Variants in PLTP observed in about 807,000 individuals in gnomAD.
PLTP encodes BPI fold containing family E.
PLTP carries 43 observed loss-of-function variants against 54.1 expected under a neutral mutation model. That is an observed-to-expected ratio of 0.79 (90% CI 0.62 to 1.02). The LOEUF (loss-of-function observed/expected upper bound fraction) is 1.02. PLTP is among the 50% of genes least tolerant of loss of function. PLTP has a pLI of 0.00. For synonymous variants in PLTP, 263 were observed against 264.6 expected (o/e 0.99, Z 0.06); for missense variants, 604 against 645.9 (o/e 0.94, Z 0.70).
At chr20:45,899,810 C>CCCCCCCCCCCCCCA in intron 13 of PLTP, 26 bp downstream of exon 13, 1 of 1,134,806 alleles carries the variant, frequency 8.8e-7, no homozygotes, top group Non-Finnish European at 1.3e-6. Context: ...GAACCCAGCC[C>CCCCCCCCCCCCCCA]AGCCCACCCA....
In PLTP at chr20:45,911,377, C is replaced by G. The variant is rs374545133; in HGVS notation, c.76G>C (p.Val26Leu). 7.5e-5 allele frequency: 121 copies of G among 1,612,010 alleles called. No homozygotes were observed. Among genetic ancestry groups the G allele is most frequent in the Non-Finnish European group, 9.7e-5 (115 of 1,180,030 alleles). Residue 26 changes from valine to leucine, a missense_variant, in exon 2 of 16, where the codon GTC becomes CTC. Transcript: ENST00000372431. ...CCCAGCTCCAGCGCCTTGGAGGTGA[C>G]GCGGATCTTGCAGCCTGGGAACTCT... ...HAEFPGCKIR[V>L]TSKALELVKQ...
chr20:45,910,767 A>C, intron 3 of PLTP: 1 of 1,014,314 alleles, frequency 9.9e-7, no homozygotes, highest in Non-Finnish European at 1.3e-6. Flanking sequence ...CCCCTCCCTC[A>C]TCCTAAACCA....
At chr20:45,908,041 GT>G in intron 5 of PLTP, 137 bp from the exon 6 acceptor site, 3 of 806,626 alleles carry the variant, frequency 3.7e-6, no homozygotes, top group Admixed American at 2.0e-5. Flanking sequence ...CTCCACGTAG[GT>G]TTTCCAAGAA....
intron 11 of PLTP, 33 bp downstream of exon 11, chr20:45,902,407 C>T: frequency 6.2e-7 from 1 of 1,614,156 alleles, no homozygotes; most frequent in Non-Finnish European, 8.5e-7. Context: ...TTCCCTGACC[C>T]CCAGCCAGCA....
intron 10 of PLTP, among the ~76,000 whole-genome samples, chr20:45,904,032 A>G (rs954870974): frequency 6.6e-6 from 1 of 152,228 alleles, no homozygotes; most frequent in Non-Finnish European, 1.5e-5. Flanking sequence ...AAATTGAGGC[A>G]CAGATAGGTT....
rs1165033250 is a variant in PLTP, at chr20:45,901,505, G to A, written c.1175+762C>T. 5.3e-5 allele frequency among the ~76,000 whole-genome samples: 8 copies of A among 152,118 alleles called. 1 individual carries two copies. The highest frequency in any genetic ancestry group is 5.2e-4 in the Admixed American group (8 of 15,266). On this transcript the variant is annotated intron_variant, in intron 12 of 15. Transcript: ENST00000372431. ...GTTACTCGGGAGGCTGAGGCTGGACGATCACTTGAGCCCAGGAGGTCAAGG... is the reference window on the plus strand; with the variant it reads ...GTTACTCGGGAGGCTGAGGCTGGACAATCACTTGAGCCCAGGAGGTCAAGG...
In PLTP at chr20:45,911,195, C is replaced by G; in HGVS notation, c.157G>C (p.Asp53His). ...AAGTGGCCTTCTTTGCCCCGCAGGT[C>G]CGGAATGGTGATAGTCTCCAGCTCT... ...EQELETITIP[D>H]LRGKEGHFYY... Residue 53 changes from aspartate to histidine, a missense_variant, in exon 3 of 16, where the codon GAC becomes CAC. Coordinates refer to ENST00000372431, the MANE Select transcript of PLTP (RefSeq NM_006227.4). 1.2e-6 allele frequency: 2 copies of G among 1,614,168 alleles called. No homozygotes were observed. Among genetic ancestry groups the G allele is most frequent in the East Asian group, 4.5e-5 (2 of 44,880 alleles).
chr20:45,905,259 C>T (rs1461985244), intron 8 of PLTP, 141 bp from the exon 9 acceptor site: 8 of 727,694 alleles, frequency 1.1e-5, no homozygotes, highest in Non-Finnish European at 1.8e-5. Flanking sequence ...TTCACAAGCA[C>T]ATCTCTTAAA....
At chr20:45,911,594 A>C in intron 1 of PLTP, 131 bp from the exon 2 acceptor site, 1 of 1,271,172 alleles carries the variant, frequency 7.9e-7, no homozygotes, top group Middle Eastern at 1.9e-4. Flanking sequence ...GGAACCAATA[A>C]TCTTGCCTCC....
At chr20:45,899,367 G>T in intron 15 of PLTP, 95 bp downstream of exon 15, 2 of 1,308,742 alleles carry the variant, frequency 1.5e-6, no homozygotes, top group Non-Finnish European at 2.2e-6. Flanking sequence ...GGGGCGACTG[G>T]TAATGGGGGA....
chr20:45,904,790 C>A lies in PLTP; in HGVS notation c.942+10G>T. On this transcript the variant is annotated intron_variant, in intron 10 of 15. Transcript: ENST00000372431. ...CAGGTGGCCCTATCCCTGCCCCCGC[C>A]AGCACTCACCAGCAGGACAATGCTC... is the stretch of plus-strand genomic sequence containing the variant. 1.9e-6 allele frequency: 3 copies of A among 1,614,092 alleles called. No homozygotes were observed. Among genetic ancestry groups the A allele is most frequent in the Non-Finnish European group, 2.5e-6 (3 of 1,179,912 alleles).
Position 45,898,820 on chromosome 20 carries a change from A to C in PLTP, c.*121T>G, listed in dbSNP as rs368532767. On this transcript the variant is annotated 3_prime_UTR_variant, in exon 16 of 16. Transcript: ENST00000372431. This position sits in a 1 kb window ranked among gnomAD's most constrained non-coding sequence, Gnocchi z 4.6. ...GGAATTAAATTGGGTACAGCTTCAA[A>C]TCCCGTCTTCTCTGTGGCACTGGGG... 1 of 1,153,500 alleles carries C rather than the reference A, an allele frequency of 8.7e-7. No individual in the cohort carries two copies. Among genetic ancestry groups the C allele is most frequent in the African/African-American group, 1.5e-5 (1 of 64,856 alleles). The allele number at this position is 1,153,500 out of a possible 1,614,324, so 71.5% of individuals were successfully genotyped here. A position where few individuals can be genotyped will look rare whatever the true frequency, so the allele number is the denominator to read the frequency against.
At chr20:45,905,240 C>G (rs1035244865) in intron 8 of PLTP, 122 bp from the exon 9 acceptor site, 29 of 818,434 alleles carry the variant, frequency 3.5e-5, no homozygotes, top group Admixed American at 1.4e-4. Flanking sequence ...AGCTGCTGTT[C>G]TTGGAGGATT....
intron 10 of PLTP, among the ~76,000 whole-genome samples, chr20:45,903,083 A>G (rs1350147645): frequency 6.6e-6 from 1 of 152,152 alleles, no homozygotes; most frequent in Non-Finnish European, 1.5e-5. Flanking sequence ...TTGTATTTTT[A>G]ATAGAAACGG....
intron 15 of PLTP, 47 bp downstream of exon 15, chr20:45,899,413 TAG>T (rs752872958): frequency 3.2e-6 from 5 of 1,582,844 alleles, no homozygotes; most frequent in Admixed American, 3.3e-5. Context: ...TGGGGAGCTA[TAG>T]AGAGAGGGGA....
chr20:45,898,747 C>A lies in PLTP; in HGVS notation c.*194G>T. 1 of 715,234 alleles carries A rather than the reference C, an allele frequency of 1.4e-6. No individual in the cohort carries two copies. The highest frequency in any genetic ancestry group is 2.3e-6 in the Non-Finnish European group (1 of 434,210). 44.3% of individuals were successfully genotyped at this position (715,234 alleles called of 1,614,324 possible). ...CCCAGGAACCCAACAGAGCTCAGGA[C>A]AGCCCACAGGGAGGTGGTGGACGGA... On this transcript the variant is annotated 3_prime_UTR_variant, in exon 16 of 16. Transcript: ENST00000372431. This position sits in a 1 kb window ranked among gnomAD's most constrained non-coding sequence, Gnocchi z 4.6.
intron 13 of PLTP, 28 bp downstream of exon 13, chr20:45,899,808 C>T: frequency 8.8e-6 from 4 of 455,508 alleles, no homozygotes; most frequent in Non-Finnish European, 1.7e-5. Flanking sequence ...ACGAACCCAG[C>T]CCAGCCCACC....
chr20:45,910,792 A>T, intron 3 of PLTP: 1 of 1,163,672 alleles, frequency 8.6e-7, no homozygotes, highest in South Asian at 1.7e-5. Context: ...TAGAGCCTTC[A>T]GTTTCTCCAC....
At chr20:45,906,619 G>T (rs2083241118) in intron 7 of PLTP, among the ~76,000 whole-genome samples, 1 of 152,144 alleles carries the variant, frequency 6.6e-6, no homozygotes, top group South Asian at 2.1e-4. Context: ...GCCGCGCATG[G>T]TGGCTCACAC....
Sources: gnomAD v4.1 joint callset for allele counts (sites outside exome capture counted in the v4.1 genomes callset) on GRCh38, gnomAD v4.1.1 for gene constraint, Gnocchi (gnomAD v3.1) non-coding constraint, MANE v1.5 for transcripts, NCBI Gene and HGNC (gene_info 2026-07-23, HGNC 2026-07-21) for gene names.